The following DTD1 variants were observed in gnomAD, a reference collection of about 807,000 sequenced individuals.
DTD1 encodes D-tyrosyl-tRNA deacylase 1 homolog.
A neutral mutation model predicts 25.6 loss-of-function variants in DTD1; 13 were observed. That is an observed-to-expected ratio of 0.51 (90% CI 0.33 to 0.81). The LOEUF is 0.81. Among genes scored for constraint, DTD1 ranks in the 30% least tolerant of loss-of-function variants. The pLI, the probability that DTD1 is intolerant of heterozygous loss-of-function variation, is 0.02. For synonymous variants in DTD1, 110 were observed against 103.6 expected (o/e 1.06, Z -0.37); for missense variants, 193 against 266.4 (o/e 0.72, Z 1.92).
At chr20:18,657,206 C>G (rs1238131165) in intron 4 of DTD1, among the ~76,000 whole-genome samples, 1 of 152,200 alleles carries the variant, frequency 6.6e-6, no homozygotes, top group Non-Finnish European at 1.5e-5. Context: ...GGACCCCTTA[C>G]TCAACAAATG....
At position 18,692,467 on chromosome 20, in the gene DTD1, C is replaced by T. The variant is rs139765580; in HGVS notation, c.478-51633C>T. ...GCTAGGGGGAGAAGAGGTCATTTTACTCTGCCTTTATGACAAGGTTAACTG... is the reference window on the plus strand; with the variant it reads ...GCTAGGGGGAGAAGAGGTCATTTTATTCTGCCTTTATGACAAGGTTAACTG... On this transcript the variant is annotated intron_variant, in intron 4 of 5. Transcript: ENST00000377452. Among the ~76,000 whole-genome samples, 300 of 152,350 alleles carry T rather than the reference C, an allele frequency of 2.0e-3. 2 individuals carry two copies. The highest frequency in any genetic ancestry group is 6.7e-3 in the African/African-American group (277 of 41,578).
In DTD1 at chr20:18,593,736, G is replaced by A. The variant is rs1245387286; in HGVS notation, c.49G>A (p.Gly17Arg). Residue 17 changes from glycine to arginine, a missense_variant, in exon 2 of 6, where the codon GGA (glycine) becomes AGA (arginine). Gly to Arg is a moderately radical substitution (Grantham distance 125). Transcript: ENST00000377452. ...CCCTTTTGGTTCCTTTCTAGTTGGAGGAGAGCAGATTAGTGCCATTGGAAG... is the reference window on the plus strand; with the variant it reads ...CCCTTTTGGTTCCTTTCTAGTTGGAAGAGAGCAGATTAGTGCCATTGGAAG... ...RVTRASVTVGGEQISAIGRGI... is the reference protein window; with the variant it reads ...RVTRASVTVGREQISAIGRGI... 6.2e-7 allele frequency: 1 copy of A among 1,613,708 alleles called. No individual in the cohort carries two copies. The highest frequency in any genetic ancestry group is 8.5e-7 in the Non-Finnish European group (1 of 1,179,764).
intron 4 of DTD1, among the ~76,000 whole-genome samples, chr20:18,658,412 G>A (rs1243127533): frequency 5.9e-5 from 9 of 151,380 alleles, no homozygotes; most frequent in East Asian, 2.0e-4. Context: ...TGCAAGCTCC[G>A]CCTCCCAGGT....
At chr20:18,595,934 T>G in intron 2 of DTD1, 72 bp from the exon 3 acceptor site, 2 of 1,328,994 alleles carry the variant, frequency 1.5e-6, no homozygotes, top group Non-Finnish European at 2.2e-6. Context: ...GCTGGTGACA[T>G]TTTTGGGGTA....
chr20:18,713,038 C>G (rs571405249), intron 4 of DTD1, among the ~76,000 whole-genome samples: 55 of 152,398 alleles, frequency 3.6e-4, no homozygotes, highest in Middle Eastern at 3.4e-3. Context: ...CTTCCTTCTT[C>G]CTTTGGCCTT....
At chr20:18,753,595 G>A (rs926400578) in intron 5 of DTD1, among the ~76,000 whole-genome samples, 1 of 41,762 alleles carries the variant, frequency 2.4e-5, no homozygotes, top group African/African-American at 1.3e-4. Context: ...GCAATGAAGC[G>A]AAACTCTGTC....
At chr20:18,727,865 G>A (rs974627996) in intron 4 of DTD1, among the ~76,000 whole-genome samples, 1 of 152,224 alleles carries the variant, frequency 6.6e-6, no homozygotes, top group Non-Finnish European at 1.5e-5. Flanking sequence ...CCATCATGTG[G>A]ATATAGCACA....
In DTD1 at chr20:18,765,390, AG is replaced by A. The variant is rs1206723638; in HGVS notation, c.*2056del. 6.6e-6 allele frequency: 1 copy of A among 152,196 alleles called. No homozygotes were observed. Among genetic ancestry groups the A allele is most frequent in the Non-Finnish European group, 1.5e-5 (1 of 68,034 alleles). The allele number at this position is 152,196 out of a possible 1,614,324, so 9.4% of individuals were successfully genotyped here. A position where few individuals can be genotyped will look rare whatever the true frequency, so the allele number is the denominator to read the frequency against. On this transcript the variant is annotated 3_prime_UTR_variant, in exon 6 of 6. Transcript: ENST00000377452. ...CAGAAATTCTGAGCCTATATGTGTGAGGGGGGATCTTTGATTAATTAAAACA... is the reference window on the plus strand; with the variant it reads ...CAGAAATTCTGAGCCTATATGTGTGAGGGGGATCTTTGATTAATTAAAACA...
intron 4 of DTD1, among the ~76,000 whole-genome samples, chr20:18,686,646 C>CTGTGTGTGTGTGTG (rs56350174): frequency 7.4e-5 from 11 of 148,936 alleles, no homozygotes; most frequent in African/African-American, 2.2e-4. Context: ...TATTTATTAG[C>CTGTGTGTGTGTGTG]TGTGTGTGTG....
intron 3 of DTD1, among the ~76,000 whole-genome samples, chr20:18,624,236 C>A (rs1458558946): frequency 1.3e-5 from 2 of 152,104 alleles, no homozygotes; most frequent in Non-Finnish European, 2.9e-5. Context: ...CAGTGCCCAG[C>A]CCAGCACACC....
intron 4 of DTD1, among the ~76,000 whole-genome samples, chr20:18,684,112 A>G (rs1207973328): frequency 1.3e-5 from 2 of 152,070 alleles, no homozygotes; most frequent in Admixed American, 6.6e-5. Flanking sequence ...CTGGAGCCAC[A>G]TGAGGGTCTT....
At chr20:18,708,276 T>C (rs1189590115) in intron 4 of DTD1, among the ~76,000 whole-genome samples, 1 of 13,096 alleles carries the variant, frequency 7.6e-5, no homozygotes, top group Non-Finnish European at 1.9e-4. Context: ...TATATATATA[T>C]AATATATATT....
At chr20:18,588,700 C>T (rs1349980533) in intron 1 of DTD1, 1 of 985,134 alleles carries the variant, frequency 1.0e-6, no homozygotes, top group Non-Finnish European at 1.2e-6. Flanking sequence ...ACGCCCCTCG[C>T]CCTCGCCCGC....
At position 18,712,534 on chromosome 20, in the gene DTD1, A is replaced by G. The variant is rs1275010779; in HGVS notation, c.478-31566A>G. 2.6e-5 allele frequency among the ~76,000 whole-genome samples: 4 copies of G among 152,120 alleles called. No homozygotes were observed. In the East Asian group the frequency reaches 7.7e-4, roughly 29 times the overall value. On this transcript the variant is annotated intron_variant, in intron 4 of 5. Transcript: ENST00000377452. ...TATTCATTTACAATGGAATCATTGG[A>G]TCATAAGTCAGCATGGACCTCGACC...
At chr20:18,612,645 C>A (rs2060691902) in intron 3 of DTD1, among the ~76,000 whole-genome samples, 1 of 151,860 alleles carries the variant, frequency 6.6e-6, no homozygotes, top group African/African-American at 2.4e-5. Flanking sequence ...GGCTTATTGG[C>A]CTTTTCTGTT....
intron 3 of DTD1, among the ~76,000 whole-genome samples, chr20:18,601,369 C>T (rs964133448): frequency 6.6e-6 from 1 of 151,874 alleles, no homozygotes; most frequent in African/African-American, 2.4e-5. Context: ...TGTGGTAGCA[C>T]GCACCTGTAA....
At chr20:18,643,687 T>A (rs1372839118) in intron 4 of DTD1, 1 of 152,258 alleles carries the variant, frequency 6.6e-6, no homozygotes, top group East Asian at 1.9e-4. Flanking sequence ...TCATGCCTTG[T>A]ATTTGGTTGT....
intron 3 of DTD1, among the ~76,000 whole-genome samples, chr20:18,619,765 C>T (rs1175537159): frequency 2.0e-5 from 3 of 152,102 alleles, no homozygotes; most frequent in African/African-American, 7.2e-5. Context: ...ACTTTGAAAT[C>T]TTTTATCTGT....
At chr20:18,746,547 T>C (rs2061301453) in intron 5 of DTD1, among the ~76,000 whole-genome samples, 1 of 151,260 alleles carries the variant, frequency 6.6e-6, no homozygotes, top group Admixed American at 6.6e-5. Flanking sequence ...AAAAAAAAAT[T>C]AGCTGAGCAT....
Sources: gnomAD v4.1 joint callset for allele counts (sites outside exome capture counted in the v4.1 genomes callset) on GRCh38, gnomAD v4.1.1 for gene constraint, MANE v1.5 for transcripts, NCBI Gene and HGNC (gene_info 2026-07-23, HGNC 2026-07-21) for gene names.